The following ANKRD27 variants were observed in gnomAD, a reference collection of about 807,000 sequenced individuals.
The protein encoded by ANKRD27 is ankyrin repeat domain-containing protein 27.
Under a neutral mutation model 129.7 loss-of-function variants are expected in ANKRD27, and 112 were observed. The observed-to-expected ratio is 0.86, with a 90% confidence interval of 0.74 to 1.01. The LOEUF is 1.01. ANKRD27 is among the 50% of genes least tolerant of loss of function. The pLI, the probability that ANKRD27 is intolerant of heterozygous loss-of-function variation, is 0.00. For synonymous variants in ANKRD27, 516 were observed against 511.2 expected (o/e 1.01, Z -0.13); for missense variants, 1,258 against 1,300.5 (o/e 0.97, Z 0.50).
intron 2 of ANKRD27, among the ~76,000 whole-genome samples, chr19:32,654,570 C>T (rs1430378975): frequency 6.6e-6 from 1 of 152,188 alleles, no homozygotes; most frequent in African/African-American, 2.4e-5. Flanking sequence ...AAGAGGGGGC[C>T]GGCATGGGCC....
rs1307779708 is a variant in ANKRD27 at position 32,639,342 on chromosome 19, G to C, written c.1116+14C>G. On this transcript the variant is annotated intron_variant, in intron 12 of 28. Transcript: ENST00000306065. ...TGCCCACAAAGGAAGGCCAGGGCAGGGGTGAGATCTTACAGGGGGTTTAGC... is the reference window on the plus strand; with the variant it reads ...TGCCCACAAAGGAAGGCCAGGGCAGCGGTGAGATCTTACAGGGGGTTTAGC... The C allele has an allele frequency of 6.2e-7, 1 of 1,614,116 alleles. No individual in the cohort carries two copies. The highest frequency in any genetic ancestry group is 1.7e-5 in the Admixed American group (1 of 60,014).
At chr19:32,622,655 T>C in intron 17 of ANKRD27, 36 bp from the exon 18 acceptor site, 1 of 1,608,106 alleles carries the variant, frequency 6.2e-7, no homozygotes, top group Non-Finnish European at 8.5e-7. Flanking sequence ...CGCTCATGGA[T>C]GTACCAAGCC....
chr19:32,625,736 A>G (rs1972078693), intron 17 of ANKRD27, 138 bp downstream of exon 17: 2 of 703,924 alleles, frequency 2.8e-6, no homozygotes, highest in Admixed American at 3.9e-5. Context: ...CTGGCCTAAC[A>G]TTCTTTCATA....
chr19:32,601,986 A>C (rs752546734), intron 26 of ANKRD27, 29 bp downstream of exon 26: 5 of 1,419,428 alleles, frequency 3.5e-6, no homozygotes, highest in Non-Finnish European at 4.0e-6. Flanking sequence ...ACCCAACTTG[A>C]GCGTGACAGA....
Position 32,639,465 on chromosome 19 carries a change from T to C in ANKRD27, c.1007A>G (p.Lys336Arg), listed in dbSNP as rs772714816. ...PNWMANLSYIKNFRFSSLAKD... is the reference protein window; with the variant it reads ...PNWMANLSYIRNFRFSSLAKD... ...TGCCAAGCTGCTAAACCTGAAGTTT[T>C]TGATGTAACTCAAATTTGCCATCCT... The change falls in exon 12 of 29, where the codon AAA (lysine) becomes AGA (arginine). Residue 336 changes from lysine (K) to arginine (R), a missense_variant. Transcript: ENST00000306065. 5 of 1,613,476 alleles carry C rather than the reference T, an allele frequency of 3.1e-6. No homozygotes were observed. Among genetic ancestry groups the C allele is most frequent in the South Asian group, 1.1e-5 (1 of 90,896 alleles).
rs1966923255 is a variant in ANKRD27 at position 32,628,099 on chromosome 19, A to G, written c.1404T>C (p.His468=). 4 of 1,614,208 alleles carry G rather than the reference A, an allele frequency of 2.5e-6. No individual in the cohort carries two copies. In the East Asian group the frequency reaches 8.9e-5, roughly 36 times the overall value. ...SRDDRGHTPL[H]VAAVCGQASL... is the part of the protein sequence containing the mutation. ...ACCACATACCACAGACAGCAGCCAC[A>G]TGGAGAGGGGTGTGCCCCCTGTCGT... Residue 468 remains histidine, a synonymous_variant, in exon 15 of 29, where the codon CAT becomes CAC. Coordinates refer to ENST00000306065, the MANE Select transcript of ANKRD27 (RefSeq NM_032139.3).
intron 2 of ANKRD27, among the ~76,000 whole-genome samples, chr19:32,653,454 T>G (rs1967458411): frequency 6.6e-6 from 1 of 152,112 alleles, no homozygotes; most frequent in South Asian, 2.1e-4. Context: ...AACTCTGCAC[T>G]AAAGCCCCAG....
chr19:32,668,473 ATC>A, intron 1 of ANKRD27, among the ~76,000 whole-genome samples: 1 of 118,716 alleles, frequency 8.4e-6, no homozygotes, highest in South Asian at 3.0e-4. Context: ...TCTTATCTTC[ATC>A]TTTTTTTTTT....
At chr19:32,599,604 T>C in intron 28 of ANKRD27, 100 bp downstream of exon 28, 2 of 1,061,758 alleles carry the variant, frequency 1.9e-6, no homozygotes, top group Non-Finnish European at 2.8e-6. Context: ...GCGCACGGAA[T>C]AATGAAGATG....
intron 3 of ANKRD27, among the ~76,000 whole-genome samples, chr19:32,648,306 A>T (rs1332245680): frequency 6.6e-6 from 1 of 152,042 alleles, no homozygotes; most frequent in Admixed American, 6.6e-5. Context: ...TAGAGCTAAG[A>T]AGAAGTTTTT....
chr19:32,651,096 A>T (rs1388756030), intron 2 of ANKRD27, among the ~76,000 whole-genome samples: 2 of 152,148 alleles, frequency 1.3e-5, no homozygotes, highest in Non-Finnish European at 2.9e-5. Flanking sequence ...AAATTTTAAT[A>T]AAAAATTAAA....
At position 32,642,083 on chromosome 19, in the gene ANKRD27, T is replaced by C; in HGVS notation, c.845A>G (p.Gln282Arg). 2.5e-6 allele frequency: 4 copies of C among 1,611,684 alleles called. No homozygotes were observed. Among genetic ancestry groups the C allele is most frequent in the Non-Finnish European group, 3.4e-6 (4 of 1,178,238 alleles). The change falls in exon 10 of 29, where the codon CAG becomes CGG. Residue 282 changes from glutamine (Q) to arginine (R), a missense_variant. Transcript: ENST00000306065. ...AQLNKCTSPQQKLVCLRKVVQ... is the reference protein window; with the variant it reads ...AQLNKCTSPQRKLVCLRKVVQ... ...CACTTTTCGCAAGCAGACAAGCTTCTGCTGTGGGGAGGTGCATTTGTTCAG... is the reference window on the plus strand; with the variant it reads ...CACTTTTCGCAAGCAGACAAGCTTCCGCTGTGGGGAGGTGCATTTGTTCAG...
intron 22 of ANKRD27, among the ~76,000 whole-genome samples, chr19:32,613,697 T>C (rs1971866373): frequency 6.6e-6 from 1 of 150,884 alleles, no homozygotes; most frequent in African/African-American, 2.4e-5. Flanking sequence ...TGTGATTACA[T>C]TTATGTAACT....
At chr19:32,670,573 C>T (rs1967850055) in intron 1 of ANKRD27, among the ~76,000 whole-genome samples, 1 of 152,056 alleles carries the variant, frequency 6.6e-6, no homozygotes, top group Non-Finnish European at 1.5e-5. Flanking sequence ...ACTCAGGAAG[C>T]TGAAGCATAA....
At chr19:32,647,614 G>T (rs1008977251) in intron 3 of ANKRD27, among the ~76,000 whole-genome samples, 3 of 152,216 alleles carry the variant, frequency 2.0e-5, no homozygotes, top group African/African-American at 7.2e-5. Context: ...AGGAAGCACG[G>T]GGTTGTCAGT....
chr19:32,617,650 A>G lies in ANKRD27; in HGVS notation c.2008-17T>C, dbSNP rs1205349651. 2.7e-6 allele frequency: 2 copies of G among 729,644 alleles called. No homozygotes were observed. Among genetic ancestry groups the G allele is most frequent in the Non-Finnish European group, 2.5e-6 (1 of 398,416 alleles). The allele number at this position is 729,644 out of a possible 1,614,324, so 45.2% of individuals were successfully genotyped here. On this transcript the variant is annotated splice_polypyrimidine_tract_variant and intron_variant, in intron 20 of 28. Coordinates refer to ENST00000306065, the MANE Select transcript of ANKRD27 (RefSeq NM_032139.3). ...TTTTTCTACCTTAATAAAAGGAACA[A>G]GAATGTTAGAAAAATGATTTCAACA...
intron 20 of ANKRD27, among the ~76,000 whole-genome samples, chr19:32,617,978 A>G (rs78768752): frequency 0.53 from 80,734 of 151,426 alleles, 21,938 homozygotes; most frequent in Non-Finnish European, 0.57. Flanking sequence ...GGCTGGTCTC[A>G]AACTCCCGAC....
rs369249029 is a variant in ANKRD27, at chr19:32,617,648, C to T, written c.2008-15G>A. On this transcript the variant is annotated splice_polypyrimidine_tract_variant and intron_variant, in intron 20 of 28. Transcript: ENST00000306065. ...AGTTTTTCTACCTTAATAAAAGGAA[C>T]AAGAATGTTAGAAAAATGATTTCAA... 3 of 726,562 alleles carry T rather than the reference C, an allele frequency of 4.1e-6. No individual in the cohort carries two copies. The highest frequency in any genetic ancestry group is 3.5e-5 in the African/African-American group (2 of 56,544). The allele number at this position is 726,562 out of a possible 1,614,324, so 45.0% of individuals were successfully genotyped here. A position where few individuals can be genotyped will look rare whatever the true frequency, so the allele number is the denominator to read the frequency against.
intron 12 of ANKRD27, among the ~76,000 whole-genome samples, chr19:32,636,719 C>CTA (rs1386097657): frequency 6.9e-4 from 102 of 147,044 alleles, no homozygotes; most frequent in Non-Finnish European, 1.4e-3. Flanking sequence ...TTCTCTCTCT[C>CTA]TCTCTATATA....
Sources: allele counts gnomAD v4.1 joint callset (sites outside exome capture counted in the v4.1 genomes callset), GRCh38; gene constraint gnomAD v4.1.1; transcripts MANE v1.5; gene names NCBI Gene and HGNC (gene_info 2026-07-23, HGNC 2026-07-21).